ZBED6: variants seen among roughly 807,000 people sequenced by gnomAD.
ZBED6 encodes the protein zinc finger BED-type containing 6.
ZBED6 carries 40 observed loss-of-function variants against 58.4 expected under a neutral mutation model. That is an observed-to-expected ratio of 0.68 (90% CI 0.53 to 0.89). The LOEUF is 0.89. Ranked by LOEUF, ZBED6 falls within the 40% of genes least tolerant of loss-of-function variation. ZBED6 has a pLI of 0.00. For missense variants in ZBED6, 1,057 were observed against 1,003.9 expected (o/e 1.05, Z -0.71); for synonymous variants, 439 against 350.6 (o/e 1.25, Z -2.82).
chr1:203,802,290 T>G (rs2102436137), exon 1 of ZBED6: 1 of 152,740 alleles, frequency 6.5e-6, no homozygotes, highest in East Asian at 1.9e-4. Flanking sequence ...GGGCAAAATT[T>G]AGTGTAACAA....
chr1:203,829,735 A>G (rs778974299), intron 5 of ZBED6, 45 bp from the exon 6 acceptor site: 2 of 1,611,336 alleles, frequency 1.2e-6, no homozygotes, highest in Non-Finnish European at 8.5e-7. Flanking sequence ...TTAAAGCTAT[A>G]GGCGTATTTT....
chr1:203,811,147 A>C (rs1281544957), intron 1 of ZBED6, among the ~76,000 whole-genome samples: 6 of 150,588 alleles, frequency 4.0e-5, no homozygotes, highest in Non-Finnish European at 8.9e-5. Flanking sequence ...CTGTCACAAA[A>C]AAAAAAAAAA....
chr1:203,802,231 CATA>C (rs1442145511), exon 1 of ZBED6: 1 of 152,560 alleles, frequency 6.6e-6, no homozygotes, highest in African/African-American at 2.4e-5. Flanking sequence ...CCATATTATA[CATA>C]ATGATATATG....
chr1:203,817,285 T>G (rs192096361), intron 2 of ZBED6, among the ~76,000 whole-genome samples, 161 bp downstream of exon 2: 67 of 152,302 alleles, frequency 4.4e-4, no homozygotes, highest in Middle Eastern at 3.4e-3. Context: ...TTAGGGTAAT[T>G]CAGTGTTTTT....
At chr1:203,839,065 AG>A (rs1464181987) in intron 10 of ZBED6, among the ~76,000 whole-genome samples, 1 of 152,150 alleles carries the variant, frequency 6.6e-6, no homozygotes, top group Non-Finnish European at 1.5e-5. Context: ...ACAGATTAGA[AG>A]GGGGCAAGCA....
At chr1:203,798,042 C>A in exon 1 of ZBED6, 2 of 1,534,776 alleles carry the variant, frequency 1.3e-6, no homozygotes, top group Non-Finnish European at 1.7e-6. Flanking sequence ...TACTCTTCAA[C>A]GACATCTGCA....
chr1:203,850,068 T>G, intron 14 of ZBED6, 42 bp downstream of exon 14: 1 of 1,585,158 alleles, frequency 6.3e-7, no homozygotes, highest in Non-Finnish European at 8.6e-7. Context: ...GTTATCAAAA[T>G]TACCAAATTC....
intron 1 of ZBED6, among the ~76,000 whole-genome samples, chr1:203,808,265 T>G (rs1035190531): frequency 2.0e-5 from 3 of 152,198 alleles, no homozygotes; most frequent in Non-Finnish European, 4.4e-5. Flanking sequence ...ATGAATAGCA[T>G]TTTGTCTTTT....
At chr1:203,847,670 G>A (rs777192878) in exon 12 of ZBED6, 9 of 1,612,212 alleles carry the variant, frequency 5.6e-6, no homozygotes, top group Middle Eastern at 1.7e-4. Flanking sequence ...CGGCTGCTGC[G>A]AATCACCAAA....
At chr1:203,827,009 A>G (rs1362109851) in intron 3 of ZBED6, among the ~76,000 whole-genome samples, 2 of 152,102 alleles carry the variant, frequency 1.3e-5, no homozygotes, top group African/African-American at 4.8e-5. Flanking sequence ...CAACTACTCT[A>G]CCATGGAGAA....
intron 1 of ZBED6, among the ~76,000 whole-genome samples, chr1:203,815,306 C>A (rs140895203): frequency 1.5e-4 from 22 of 142,262 alleles, no homozygotes; most frequent in African/African-American, 5.3e-4. Flanking sequence ...CCTCTGCCTC[C>A]TGGGTTCAAG....
intron 3 of ZBED6, among the ~76,000 whole-genome samples, chr1:203,822,774 C>G (rs1465971070): frequency 6.6e-6 from 1 of 152,178 alleles, no homozygotes; most frequent in Non-Finnish European, 1.5e-5. Flanking sequence ...TATGCCAGTT[C>G]CACATGGTCA....
At chr1:203,851,626 G>A (rs770281596) in intron 16 of ZBED6, among the ~76,000 whole-genome samples, 3 of 151,998 alleles carry the variant, frequency 2.0e-5, no homozygotes, top group African/African-American at 7.3e-5. Flanking sequence ...TACCATGCCC[G>A]GCCCCTGAAA....
At chr1:203,817,171 T>A (rs1676631671) in intron 2 of ZBED6, 47 bp downstream of exon 2, 1 of 1,478,154 alleles carries the variant, frequency 6.8e-7, no homozygotes, top group Non-Finnish European at 9.2e-7. Context: ...ATTTGCTTAA[T>A]AGAATTGGAT....
intron 13 of ZBED6, among the ~76,000 whole-genome samples, chr1:203,848,868 T>A (rs898931807): frequency 2.0e-5 from 3 of 152,162 alleles, no homozygotes; most frequent in Admixed American, 6.6e-5. Context: ...AGCTCAGATG[T>A]AACCATCATT....
At chr1:203,836,166 TGA>T (rs1448844591) in intron 9 of ZBED6, among the ~76,000 whole-genome samples, 1 of 152,186 alleles carries the variant, frequency 6.6e-6, no homozygotes, top group Non-Finnish European at 1.5e-5. Flanking sequence ...GAGGATCCCT[TGA>T]GTCCAGGAGT....
intron 3 of ZBED6, among the ~76,000 whole-genome samples, chr1:203,820,040 GCC>G (rs1677986576): frequency 6.6e-6 from 1 of 151,420 alleles, no homozygotes; most frequent in East Asian, 2.0e-4. Context: ...TTCGAGACCA[GCC>G]TGACCAACAT....
chr1:203,821,975 T>A (rs1283960712), intron 3 of ZBED6, among the ~76,000 whole-genome samples: 1 of 152,160 alleles, frequency 6.6e-6, no homozygotes, highest in East Asian at 1.9e-4. Context: ...GCCAGGATGG[T>A]CTCGATCTGC....
At chr1:203,815,407 T>G (rs1205155804) in intron 1 of ZBED6, among the ~76,000 whole-genome samples, 81 of 129,210 alleles carry the variant, frequency 6.3e-4, no homozygotes, top group African/African-American at 1.8e-3. Flanking sequence ...TTTTAAGAGA[T>G]GGGGTTTTGC....
Sources: gnomAD v4.1 joint callset for allele counts (sites outside exome capture counted in the v4.1 genomes callset) on GRCh38, gnomAD v4.1.1 for gene constraint, MANE v1.5 for transcripts, NCBI Gene and HGNC (gene_info 2026-07-23, HGNC 2026-07-21) for gene names.